KIRREL3: variants seen among roughly 807,000 people sequenced by gnomAD.
The protein encoded by KIRREL3 is kin of IRRE-like protein 3.
Under a neutral mutation model 89.7 loss-of-function variants are expected in KIRREL3, and 36 were observed. The ratio of observed to expected loss-of-function variants is 0.40; its 90% CI spans 0.31 to 0.53. The LOEUF (loss-of-function observed/expected upper bound fraction) is 0.53. Among genes scored for constraint, KIRREL3 ranks in the 20% least tolerant of loss-of-function variants. The pLI is 0.49. For missense variants in KIRREL3, 864 were observed against 1,056.6 expected, an observed-to-expected ratio of 0.82 and a Z score of 2.53; for synonymous variants, 445 against 441.4, an observed-to-expected ratio of 1.01 and a Z score of -0.10.
rs543523125 is a variant in KIRREL3 at position 126,990,666 on chromosome 11, C to T, written c.55+9789G>A. Among the ~76,000 whole-genome samples, 1 of 152,350 alleles carries T rather than the reference C, an allele frequency of 6.6e-6. No homozygotes were observed. Among genetic ancestry groups the T allele is most frequent in the East Asian group, 1.9e-4 (1 of 5,174 alleles). On this transcript the variant is annotated intron_variant, in intron 1 of 16. Transcript: ENST00000525144. This position sits in a 1 kb window ranked among gnomAD's most constrained non-coding sequence, Gnocchi z 6.3. ...CAGCTCCTCTCTGCCTCCGCAGTTG[C>T]CCCTCACTCAGGTGCAGCTTCCTAT...
intron 1 of KIRREL3, among the ~76,000 whole-genome samples, chr11:126,804,366 A>G (rs995323958): frequency 6.6e-6 from 1 of 152,190 alleles, no homozygotes; most frequent in African/African-American, 2.4e-5. Flanking sequence ...AAGCCAATTT[A>G]CTTTGTACAA....
rs148964663 is a variant in KIRREL3, at chr11:126,755,281, G to A, written c.56-192369C>T. On this transcript the variant is annotated intron_variant, in intron 1 of 16. Transcript: ENST00000525144. The surrounding 1 kb of genome is among the most constrained non-coding windows in gnomAD (Gnocchi z 4.3). ...AGCCACAAACATAGCCCTGCAGACA[G>A]TTCCCTCTTGATCCCTTGCACCAGG... Among the ~76,000 whole-genome samples the A allele has an allele frequency of 4.7e-3, 711 of 152,292 alleles. 5 individuals are homozygous for A. The highest frequency in any genetic ancestry group is 0.016 in the African/African-American group (675 of 41,556).
intron 1 of KIRREL3, among the ~76,000 whole-genome samples, chr11:126,939,895 A>G (rs1477953212): frequency 6.6e-6 from 1 of 152,176 alleles, no homozygotes; most frequent in South Asian, 2.1e-4. Flanking sequence ...AACTTGAGTG[A>G]GCCACAGGTT....
intron 7 of KIRREL3, among the ~76,000 whole-genome samples, chr11:126,449,434 G>A (rs1281049838): frequency 6.6e-6 from 1 of 152,240 alleles, no homozygotes; most frequent in African/African-American, 2.4e-5. Context: ...TCTGGAGGGG[G>A]TGAGTTGATT....
In KIRREL3 at chr11:126,923,187, C is replaced by CTTCT. The variant is rs1555090325; in HGVS notation, c.55+77267_55+77268insAGAA. On this transcript the variant is annotated intron_variant, in intron 1 of 16. Transcript: ENST00000525144. ...TTCTTCTTCTTCTTCTCTTCTTCTT[C>CTTCT]TCTTCTTCTTCTTCTTCTTCTTCTT... is the stretch of plus-strand genomic sequence containing the variant. 1.3e-4 allele frequency among the ~76,000 whole-genome samples: 3 copies of CTTCT among 23,814 alleles called. 1 individual carries two copies. The highest frequency in any genetic ancestry group is 4.4e-3 in the South Asian group (2 of 450). 15.6% of individuals were successfully genotyped at this position (23,814 alleles called of 152,430 possible). A position where few individuals can be genotyped will look rare whatever the true frequency, so the allele number is the denominator to read the frequency against.
In KIRREL3 at chr11:126,457,348, T is replaced by C. The variant is rs564838129; in HGVS notation, c.743-894A>G. The stretch of plus-strand genomic sequence containing the variant: ...ATGTGTATGTGTATATGTGTGTGTG[T>C]ATGTATGTCTCTGTGTGTATGCGTG... On this transcript the variant is annotated intron_variant, in intron 6 of 16. Transcript: ENST00000525144. Among the ~76,000 whole-genome samples the C allele has an allele frequency of 8.3e-5, 11 of 132,952 alleles. No individual in the cohort carries two copies. The South Asian group carries it at 2.6e-3, about 32-fold the overall frequency. The allele number at this position is 132,952 out of a possible 152,430, so 87.2% of individuals were successfully genotyped here. A position where few individuals can be genotyped will look rare whatever the true frequency, so the allele number is the denominator to read the frequency against.
chr11:126,518,403 C>T (rs970352716), intron 4 of KIRREL3, among the ~76,000 whole-genome samples: 3 of 152,214 alleles, frequency 2.0e-5, no homozygotes, highest in Non-Finnish European at 4.4e-5. Context: ...GGAAGACCCC[C>T]GGGGGCCTCC....
Position 126,788,690 on chromosome 11 carries a change from C to T in KIRREL3, c.55+211765G>A, listed in dbSNP as rs1950551557. Among the ~76,000 whole-genome samples, 1 of 152,116 alleles carries T rather than the reference C, an allele frequency of 6.6e-6. No homozygotes were observed. The highest frequency in any genetic ancestry group is 2.1e-4 in the South Asian group (1 of 4,822). ...ATCACCAGTCCTCCACATTATAGAC[C>T]ACAAAGGCCCTACAATTGCTATCAA... On this transcript the variant is annotated intron_variant, in intron 1 of 16. Transcript: ENST00000525144. The surrounding 1 kb of genome is among the most constrained non-coding windows in gnomAD (Gnocchi z 4.1).
At chr11:126,920,226 A>G (rs1231055542) in intron 1 of KIRREL3, 1 of 152,576 alleles carries the variant, frequency 6.6e-6, no homozygotes, top group Non-Finnish European at 1.5e-5. Context: ...TTGCTCTTGC[A>G]CAATCTGATA....
At chr11:126,493,971 C>T (rs532119058) in intron 4 of KIRREL3, among the ~76,000 whole-genome samples, 22 of 152,100 alleles carry the variant, frequency 1.4e-4, no homozygotes, top group Non-Finnish European at 1.9e-4. Flanking sequence ...GCTCTTGTCT[C>T]GGGCACAAAC....
chr11:126,821,254 C>CA (rs1943204761), intron 1 of KIRREL3, among the ~76,000 whole-genome samples: 1 of 150,730 alleles, frequency 6.6e-6, no homozygotes, highest in African/African-American at 2.5e-5. Context: ...GGCAGGGGGA[C>CA]ACCCCCCAGC....
At chr11:126,925,504 G>A (rs889049957) in intron 1 of KIRREL3, among the ~76,000 whole-genome samples, 20 of 152,344 alleles carry the variant, frequency 1.3e-4, no homozygotes, top group African/African-American at 2.9e-4. Context: ...TGTCAGGTTC[G>A]AGCTGAGCTC....
Position 126,651,435 on chromosome 11 carries a change from G to C in KIRREL3, c.56-88523C>G, listed in dbSNP as rs189216228. Reference sequence around the variant, plus strand: ...CCAGATATCAGTGGACAGCATCCAGGGGGGCAGAGTCAGTGTAATTTCTCA... The same window carrying C: ...CCAGATATCAGTGGACAGCATCCAGCGGGGCAGAGTCAGTGTAATTTCTCA... On this transcript the variant is annotated intron_variant, in intron 1 of 16. Transcript: ENST00000525144. This position sits in a 1 kb window ranked among gnomAD's most constrained non-coding sequence, Gnocchi z 4.6. Among the ~76,000 whole-genome samples, 373 of 152,344 alleles carry C rather than the reference G, an allele frequency of 2.4e-3. 1 individual carries two copies. Among genetic ancestry groups the C allele is most frequent in the Admixed American group, 4.4e-3 (67 of 15,302 alleles).
At chr11:126,597,961 G>A (rs1423258821) in intron 1 of KIRREL3, among the ~76,000 whole-genome samples, 1 of 152,222 alleles carries the variant, frequency 6.6e-6, no homozygotes, top group Non-Finnish European at 1.5e-5. Context: ...TACAGTGAGA[G>A]CAAAGACCTG....
At position 126,478,615 on chromosome 11, in the gene KIRREL3, GTGTGTA is replaced by G. The variant is rs554627718; in HGVS notation, c.434-5155_434-5150del. 4.3e-3 allele frequency among the ~76,000 whole-genome samples: 464 copies of G among 107,872 alleles called. 3 individuals are homozygous for G. The highest frequency in any genetic ancestry group is 0.014 in the African/African-American group (416 of 29,466). 70.8% of individuals were successfully genotyped at this position (107,872 alleles called of 152,430 possible). A position where few individuals can be genotyped will look rare whatever the true frequency, so the allele number is the denominator to read the frequency against. ...TGTGTATATGTATATGCATGTATAT[GTGTGTA>G]TGTGTGTATGCGTGTGTATGTGTGT... On this transcript the variant is annotated intron_variant, in intron 4 of 16. Coordinates refer to ENST00000525144, the MANE Select transcript of KIRREL3 (RefSeq NM_032531.4).
At position 126,709,883 on chromosome 11, in the gene KIRREL3, C is replaced by T. The variant is rs1466414557; in HGVS notation, c.56-146971G>A. On this transcript the variant is annotated intron_variant, in intron 1 of 16. Coordinates refer to ENST00000525144, the MANE Select transcript of KIRREL3 (RefSeq NM_032531.4). The surrounding 1 kb of genome is among the most constrained non-coding windows in gnomAD (Gnocchi z 4.0). Reference sequence around the variant, plus strand: ...GAGCTGGAGAGGCTGAGCACTGGGGCACGAGGGTAGGTAATGATGTGAGCT... The same window carrying T: ...GAGCTGGAGAGGCTGAGCACTGGGGTACGAGGGTAGGTAATGATGTGAGCT... 6.6e-6 allele frequency among the ~76,000 whole-genome samples: 1 copy of T among 152,206 alleles called. No homozygotes were observed. The highest frequency in any genetic ancestry group is 6.5e-5 in the Admixed American group (1 of 15,282).
intron 1 of KIRREL3, among the ~76,000 whole-genome samples, chr11:126,738,929 C>T (rs1948891412): frequency 6.6e-6 from 1 of 152,370 alleles, no homozygotes. Flanking sequence ...AACAAAGCAT[C>T]TTCGGTGATC....
rs1946247521 is a variant in KIRREL3 at position 126,677,484 on chromosome 11, C to A, written c.56-114572G>T. 6.6e-6 allele frequency among the ~76,000 whole-genome samples: 1 copy of A among 152,170 alleles called. No homozygotes were observed. Reference sequence around the variant, plus strand: ...TCTCACCACCTCTTTGGAAAGCCAGCCTTATCAACCCCATTTTAGTTGAGA... The same window carrying A: ...TCTCACCACCTCTTTGGAAAGCCAGACTTATCAACCCCATTTTAGTTGAGA... On this transcript the variant is annotated intron_variant, in intron 1 of 16. Coordinates refer to ENST00000525144, the MANE Select transcript of KIRREL3 (RefSeq NM_032531.4). The surrounding 1 kb of genome is among the most constrained non-coding windows in gnomAD (Gnocchi z 5.1).
rs1223263788 is a variant in KIRREL3, at chr11:127,000,656, G to C, written c.-147C>G. ...TCCGTGGGTCCCTCCGGGTGGCTTC[G>C]GTCTCTTTGTGCCTCTGGGTATCTG... On this transcript the variant is annotated 5_prime_UTR_variant, in exon 1 of 17. Coordinates refer to ENST00000525144, the MANE Select transcript of KIRREL3 (RefSeq NM_032531.4). This position sits in a 1 kb window ranked among gnomAD's most constrained non-coding sequence, Gnocchi z 7.1. 2.8e-6 allele frequency: 2 copies of C among 715,446 alleles called. No homozygotes were observed. Among genetic ancestry groups the C allele is most frequent in the South Asian group, 1.9e-5 (1 of 52,612 alleles). 44.3% of individuals were successfully genotyped at this position (715,446 alleles called of 1,614,324 possible). A position where few individuals can be genotyped will look rare whatever the true frequency, so the allele number is the denominator to read the frequency against.
Sources: allele counts gnomAD v4.1 joint callset (sites outside exome capture counted in the v4.1 genomes callset), GRCh38; gene constraint gnomAD v4.1.1; non-coding constraint Gnocchi (gnomAD v3.1); transcripts MANE v1.5; gene names NCBI Gene and HGNC (gene_info 2026-07-23, HGNC 2026-07-21).